The following CCM2 variants were observed in gnomAD, a reference collection of about 807,000 sequenced individuals.
CCM2 encodes CCM2 scaffold protein.
In CCM2, 25 loss-of-function variants were observed where a neutral mutation model predicts 44.9. The ratio of observed to expected loss-of-function variants is 0.56; its 90% CI spans 0.41 to 0.78. The LOEUF (loss-of-function observed/expected upper bound fraction) is 0.78. Ranked by LOEUF, CCM2 falls within the 30% of genes least tolerant of loss-of-function variation. The pLI is 0.00. For missense variants in CCM2, 481 were observed against 580.6 expected (o/e 0.83, Z 1.76); for synonymous variants, 219 against 241.1 (o/e 0.91, Z 0.85).
At chr7:45,064,112 G>T in intron 3 of CCM2, 111 bp downstream of exon 3, 1 of 741,730 alleles carries the variant, frequency 1.3e-6, no homozygotes, top group African/African-American at 1.7e-5. Flanking sequence ...ATCACATTAT[G>T]GGTACACTTG....
At chr7:45,052,535 C>T (rs73107971) in intron 2 of CCM2, among the ~76,000 whole-genome samples, 3,375 of 152,310 alleles carry the variant, frequency 0.022, 57 homozygotes, top group Middle Eastern at 0.054. Flanking sequence ...TAGCACAGTC[C>T]TGCAGTAAGA....
intron 1 of CCM2, among the ~76,000 whole-genome samples, chr7:45,022,505 AC>A (rs1796521798): frequency 6.6e-6 from 1 of 150,462 alleles, no homozygotes; most frequent in Non-Finnish European, 1.5e-5. Flanking sequence ...ACGGGGTTTC[AC>A]CGTGTTAGCC....
chr7:45,020,539 T>C (rs986643882), intron 1 of CCM2, among the ~76,000 whole-genome samples: 1 of 152,334 alleles, frequency 6.6e-6, no homozygotes, highest in Admixed American at 6.5e-5. Context: ...CAATTAATTT[T>C]CTAACCTGTC....
At chr7:45,044,691 G>T (rs1797670225) in intron 2 of CCM2, among the ~76,000 whole-genome samples, 1 of 152,134 alleles carries the variant, frequency 6.6e-6, no homozygotes, top group Non-Finnish European at 1.5e-5. Context: ...TTTATGGAGA[G>T]AATTACCATT....
intron 1 of CCM2, among the ~76,000 whole-genome samples, chr7:45,029,963 C>A (rs1337453501): frequency 6.6e-6 from 1 of 152,176 alleles, no homozygotes; most frequent in East Asian, 1.9e-4. Context: ...TTAGAAAGTT[C>A]TGTATAGTTA....
chr7:45,023,750 A>G (rs1583867803), intron 1 of CCM2, among the ~76,000 whole-genome samples: 1 of 98,672 alleles, frequency 1.0e-5, no homozygotes, highest in South Asian at 3.1e-4. Flanking sequence ...TGTCGTGTGC[A>G]TCTTTGTTTA....
chr7:45,061,732 G>A (rs752842370), intron 2 of CCM2, among the ~76,000 whole-genome samples: 55 of 152,038 alleles, frequency 3.6e-4, no homozygotes, highest in Non-Finnish European at 5.9e-4. Context: ...CAAACCTGCC[G>A]CCTTGGCCAT....
intron 2 of CCM2, among the ~76,000 whole-genome samples, chr7:45,047,939 T>A (rs1486047457): frequency 1.3e-5 from 2 of 152,234 alleles, no homozygotes; most frequent in Non-Finnish European, 2.9e-5. Context: ...GCAATTTGAC[T>A]ACTACTTGGC....
At chr7:45,073,929 TTGCCTGTG>T (rs910300819) in intron 8 of CCM2, 7 of 518,686 alleles carry the variant, frequency 1.3e-5, no homozygotes, top group East Asian at 3.4e-5. Flanking sequence ...TCTTCCTGAT[TTGCCTGTG>T]TGCCTGTGTG....
chr7:45,031,527 T>C (rs998878627), intron 1 of CCM2, among the ~76,000 whole-genome samples: 3 of 152,142 alleles, frequency 2.0e-5, no homozygotes, highest in African/African-American at 7.2e-5. Context: ...TACAGACGTA[T>C]GCCACCACGC....
chr7:45,067,286 G>A (rs922529941), intron 4 of CCM2, among the ~76,000 whole-genome samples: 58 of 150,126 alleles, frequency 3.9e-4, no homozygotes, highest in African/African-American at 1.3e-3. Context: ...TCCGCCCCCC[G>A]AGTAGCTGGG....
chr7:45,066,771 G>C (rs1040827570), intron 4 of CCM2, among the ~76,000 whole-genome samples: 1 of 152,112 alleles, frequency 6.6e-6, no homozygotes, highest in Non-Finnish European at 1.5e-5. Context: ...TCCTTAGGCT[G>C]CCCACCCTGC....
intron 3 of CCM2, 108 bp from the exon 4 acceptor site, chr7:45,064,355 A>C: frequency 9.2e-7 from 1 of 1,081,928 alleles, no homozygotes; most frequent in Admixed American, 1.9e-5. Flanking sequence ...TTATTCACTC[A>C]GCATTTGTCA....
intron 6 of CCM2, chr7:45,070,274 A>G (rs190879327): frequency 2.5e-6 from 1 of 399,814 alleles, no homozygotes; most frequent in East Asian, 5.9e-5. Context: ...GAGCTTGGAG[A>G]AGGCTCCTAG....
At chr7:45,010,251 C>T (rs960927074) in intron 1 of CCM2, among the ~76,000 whole-genome samples, 1 of 152,148 alleles carries the variant, frequency 6.6e-6, no homozygotes, top group African/African-American at 2.4e-5. Flanking sequence ...TAAATTTTGA[C>T]AAATGCATAC....
chr7:45,068,861 C>G (rs1798916805), intron 5 of CCM2, among the ~76,000 whole-genome samples: 2 of 152,240 alleles, frequency 1.3e-5, no homozygotes, highest in African/African-American at 4.8e-5. Flanking sequence ...CCCACCGGTT[C>G]CCACCCCTGT....
rs1295252494 is a variant in CCM2 at position 45,034,668 on chromosome 7, G to A, written c.31-3585G>A. 5.5e-5 allele frequency among the ~76,000 whole-genome samples: 8 copies of A among 146,584 alleles called. No individual in the cohort carries two copies. In the East Asian group the frequency reaches 1.2e-3, roughly 22 times the overall value. Reference sequence around the variant, plus strand: ...CAAGTAGCTGGGATTACAGGCGCCCGCCACCACACCCAGCTAATTTTTGTT... The same window carrying A: ...CAAGTAGCTGGGATTACAGGCGCCCACCACCACACCCAGCTAATTTTTGTT... On this transcript the variant is annotated intron_variant, in intron 1 of 9. Transcript: ENST00000258781.
At chr7:45,073,639 G>A in intron 8 of CCM2, 68 bp downstream of exon 8, 2 of 1,138,876 alleles carry the variant, frequency 1.8e-6, no homozygotes, top group Non-Finnish European at 2.6e-6. Context: ...ATGGGGGGAA[G>A]GGGAGGAGGA....
chr7:45,051,103 C>G (rs901711221), intron 2 of CCM2, among the ~76,000 whole-genome samples: 1 of 152,204 alleles, frequency 6.6e-6, no homozygotes, highest in African/African-American at 2.4e-5. Context: ...CCACCCTGCA[C>G]TTCCTCATCC....
Sources: gnomAD v4.1 joint callset for allele counts (sites outside exome capture counted in the v4.1 genomes callset) on GRCh38, gnomAD v4.1.1 for gene constraint, MANE v1.5 for transcripts, NCBI Gene and HGNC (gene_info 2026-07-23, HGNC 2026-07-21) for gene names.